MED13L: variants seen among roughly 807,000 people sequenced by gnomAD.
The protein encoded by MED13L is mediator complex subunit 13L.
A neutral mutation model predicts 220.9 loss-of-function variants in MED13L; 7 were observed. The ratio of observed to expected loss-of-function variants is 0.03; its 90% CI spans 0.02 to 0.06. The LOEUF is 0.06. Among genes scored for constraint, MED13L ranks in the 10% least tolerant of loss-of-function variants. The pLI is 1.00. For missense variants in MED13L, 1,965 were observed against 2,760.5 expected, an observed-to-expected ratio of 0.71 and a Z score of 6.46; for synonymous variants, 1,011 against 1,015.2, an observed-to-expected ratio of 1.00 and a Z score of 0.08.
At chr12:116,077,379 T>C (rs1347240200) in intron 4 of MED13L, among the ~76,000 whole-genome samples, 3 of 152,206 alleles carry the variant, frequency 2.0e-5, no homozygotes, top group Non-Finnish European at 2.9e-5. Context: ...GAGCTACTCA[T>C]AGAATATAGA....
intron 28 of MED13L, among the ~76,000 whole-genome samples, 162 bp from the exon 29 acceptor site, chr12:115,966,405 G>A (rs947907737): frequency 7.2e-5 from 11 of 152,190 alleles, no homozygotes; most frequent in South Asian, 2.1e-4. Flanking sequence ...GGCCAGCATC[G>A]TCTTTGCTGC....
intron 1 of MED13L, among the ~76,000 whole-genome samples, chr12:116,265,843 T>C (rs913685549): frequency 6.6e-6 from 1 of 152,172 alleles, no homozygotes; most frequent in Non-Finnish European, 1.5e-5. Context: ...AGACTAAAAA[T>C]TGTCAAGCTT....
intron 27 of MED13L, 39 bp downstream of exon 27, chr12:115,970,555 C>T: frequency 6.3e-7 from 1 of 1,599,454 alleles, no homozygotes; most frequent in Non-Finnish European, 8.6e-7. Context: ...CTCTGCCCTG[C>T]ATGAAGGTGA....
At chr12:116,182,526 T>C (rs781488730) in intron 2 of MED13L, among the ~76,000 whole-genome samples, 3 of 152,164 alleles carry the variant, frequency 2.0e-5, no homozygotes, top group Non-Finnish European at 2.9e-5. Flanking sequence ...AGAAGATATA[T>C]CCTTGCTGTT....
chr12:116,246,882 A>T (rs980691900), intron 1 of MED13L, among the ~76,000 whole-genome samples: 2 of 12,910 alleles, frequency 1.5e-4, no homozygotes, highest in Non-Finnish European at 2.7e-4. Flanking sequence ...GAGGGGAGGG[A>T]GGTGGGGAGG....
chr12:116,235,131 TGA>T lies in MED13L; in HGVS notation c.310+2335_310+2336del, dbSNP rs537406547. ...CTTATTTGAAACAAAGTTGTCTTTA[TGA>T]CTTATTTTTCTAATTAAGGCTAGAT... On this transcript the variant is annotated intron_variant, in intron 2 of 30. Transcript: ENST00000281928. Among the ~76,000 whole-genome samples the T allele has an allele frequency of 4.8e-3, 732 of 152,344 alleles. 6 individuals are homozygous for T. Among genetic ancestry groups the T allele is most frequent in the Non-Finnish European group, 8.2e-3 (558 of 68,030 alleles).
chr12:116,176,418 AT>A (rs1880064640), intron 2 of MED13L, among the ~76,000 whole-genome samples: 1 of 152,122 alleles, frequency 6.6e-6, no homozygotes, highest in Admixed American at 6.6e-5. Context: ...CATCATCATC[AT>A]CAAAAAAGAA....
chr12:116,104,099 C>G (rs1412457716), intron 3 of MED13L, among the ~76,000 whole-genome samples: 1 of 149,660 alleles, frequency 6.7e-6, no homozygotes, highest in Admixed American at 6.7e-5. Flanking sequence ...CAACCTCCGC[C>G]TCCCAGGTTC....
At chr12:115,968,323 C>T (rs1265697832) in intron 28 of MED13L, among the ~76,000 whole-genome samples, 1 of 152,186 alleles carries the variant, frequency 6.6e-6, no homozygotes, top group South Asian at 2.1e-4. Flanking sequence ...CCTCCAATAT[C>T]CCTGAGATAT....
intron 2 of MED13L, among the ~76,000 whole-genome samples, chr12:116,176,860 GA>G (rs1555219805): frequency 2.8e-5 from 3 of 105,624 alleles, no homozygotes; most frequent in Non-Finnish European, 1.8e-5. Flanking sequence ...TACATATGCA[GA>G]ATCGAGAACT....
At chr12:116,200,174 A>C (rs1881920293) in intron 2 of MED13L, among the ~76,000 whole-genome samples, 1 of 152,028 alleles carries the variant, frequency 6.6e-6, no homozygotes, top group South Asian at 2.1e-4. Context: ...TTATCTTAGC[A>C]ACATAAGATT....
intron 16 of MED13L, among the ~76,000 whole-genome samples, chr12:115,995,411 C>G (rs1167108833): frequency 2.0e-5 from 3 of 152,224 alleles, no homozygotes; most frequent in Admixed American, 6.5e-5. Context: ...AAAACTGATT[C>G]CATCATTGTT....
In MED13L at chr12:116,034,033, G is replaced by A. The variant is rs146466382; in HGVS notation, c.480-11432C>T. ...TTCATATCTCTATGGTTCTGCTTGC[G>A]TTGATGTTTTGCTTAGAATAAACTT... On this transcript the variant is annotated intron_variant, in intron 4 of 30. Coordinates refer to ENST00000281928, the MANE Select transcript of MED13L (RefSeq NM_015335.5). Among the ~76,000 whole-genome samples, 220 of 151,984 alleles carry A rather than the reference G, an allele frequency of 1.4e-3. 1 individual carries two copies. The highest frequency in any genetic ancestry group is 5.8e-4 in the East Asian group (3 of 5,154).
At chr12:116,145,288 G>C (rs1440254574) in intron 2 of MED13L, among the ~76,000 whole-genome samples, 1 of 152,110 alleles carries the variant, frequency 6.6e-6, no homozygotes, top group Non-Finnish European at 1.5e-5. Context: ...TTAAGAAAAG[G>C]ACTCCATGGT....
intron 2 of MED13L, among the ~76,000 whole-genome samples, chr12:116,123,918 C>T (rs961679392): frequency 6.6e-6 from 1 of 152,022 alleles, no homozygotes; most frequent in Non-Finnish European, 1.5e-5. Context: ...CCTTTCATTT[C>T]GTACATCAGG....
intron 2 of MED13L, among the ~76,000 whole-genome samples, chr12:116,179,284 G>A (rs1356553960): frequency 6.6e-6 from 1 of 151,702 alleles, no homozygotes; most frequent in Non-Finnish European, 1.5e-5. Flanking sequence ...AAATACAAGA[G>A]ATTATCTTTT....
chr12:116,269,596 G>A (rs1017089386), intron 1 of MED13L, among the ~76,000 whole-genome samples: 3 of 152,168 alleles, frequency 2.0e-5, no homozygotes, highest in Admixed American at 6.5e-5. Flanking sequence ...GGAGGCTGCG[G>A]TGGGAGGACT....
chr12:116,077,518 T>C lies in MED13L; in HGVS notation c.479+19151A>G, dbSNP rs181536129. ...ATACTTGGACTGAATGTCATAACTG[T>C]TAAGTAAAAATAAAGGAATGGAACA... On this transcript the variant is annotated intron_variant, in intron 4 of 30. Transcript: ENST00000281928. Among the ~76,000 whole-genome samples the C allele has an allele frequency of 9.4e-4, 143 of 152,304 alleles. 1 individual carries two copies. Among genetic ancestry groups the C allele is most frequent in the African/African-American group, 3.3e-3 (136 of 41,560 alleles).
intron 3 of MED13L, chr12:116,110,246 T>A (rs1873963420): frequency 6.6e-6 from 1 of 152,086 alleles, no homozygotes; most frequent in African/African-American, 2.4e-5. Flanking sequence ...CAAAGGGGCT[T>A]CCTCTGACCA....
Sources: allele counts gnomAD v4.1 joint callset (sites outside exome capture counted in the v4.1 genomes callset), GRCh38; gene constraint gnomAD v4.1.1; transcripts MANE v1.5; gene names NCBI Gene and HGNC (gene_info 2026-07-23, HGNC 2026-07-21).